FAM20C: variants seen among roughly 807,000 people sequenced by gnomAD.
FAM20C encodes the protein FAM20C golgi associated secretory pathway kinase.
Under a neutral mutation model 51.5 loss-of-function variants are expected in FAM20C, and 40 were observed. The observed-to-expected ratio is 0.78, with a 90% CI of 0.60 to 1.01. The LOEUF is 1.01. Ranked by LOEUF, FAM20C falls within the 50% of genes least tolerant of loss-of-function variation. The pLI, the probability that FAM20C is intolerant of heterozygous loss-of-function variation, is 0.00. For missense variants in FAM20C, 861 were observed against 844.7 expected (o/e 1.02, Z -0.24); for synonymous variants, 406 against 380.6 (o/e 1.07, Z -0.78).
intron 2 of FAM20C, among the ~76,000 whole-genome samples, chr7:205,267 G>GCCC (rs1786307163): frequency 6.7e-6 from 1 of 149,956 alleles, no homozygotes; most frequent in African/African-American, 2.5e-5. Context: ...CACGACGTCA[G>GCCC]CCTCCCGAGT....
intron 3 of FAM20C, among the ~76,000 whole-genome samples, chr7:226,312 G>A (rs996933445): frequency 6.6e-6 from 1 of 152,138 alleles, no homozygotes; most frequent in Non-Finnish European, 1.5e-5. Context: ...GACCGGCTAG[G>A]AGGGGCCCTG....
At chr7:231,420 A>T (rs111422782) in intron 3 of FAM20C, among the ~76,000 whole-genome samples, 4 of 149,604 alleles carry the variant, frequency 2.7e-5, no homozygotes, top group Admixed American at 1.3e-4. Context: ...GCCGCGTGGG[A>T]GGAGGGTCCT....
intron 3 of FAM20C, among the ~76,000 whole-genome samples, chr7:235,722 G>A (rs999046800): frequency 6.6e-6 from 1 of 152,170 alleles, no homozygotes. Flanking sequence ...GGGACGGTCT[G>A]TCTGGCCTAG....
At chr7:207,472 G>A (rs1399550425) in intron 2 of FAM20C, among the ~76,000 whole-genome samples, 1 of 152,226 alleles carries the variant, frequency 6.6e-6, no homozygotes, top group Admixed American at 6.5e-5. Context: ...GCCGGGGCCA[G>A]CCCTGCCCCT....
Position 214,549 on chromosome 7 carries a change from T to C in FAM20C, c.863+5573T>C, listed in dbSNP as rs146512139. On this transcript the variant is annotated intron_variant, in intron 3 of 9. Coordinates refer to ENST00000313766, the MANE Select transcript of FAM20C (RefSeq NM_020223.4). ...CACGGTCAGCGGAACGGTGCGGCTT[T>C]AGGAAACACCACGTAGCCACAGAGC... 3.9e-4 allele frequency among the ~76,000 whole-genome samples: 59 copies of C among 152,318 alleles called. No homozygotes were observed. The East Asian group carries it at 9.7e-3, about 25-fold the overall frequency.
chr7:257,961 C>CCAGGA (rs1788675447), intron 8 of FAM20C, among the ~76,000 whole-genome samples: 1 of 88,822 alleles, frequency 1.1e-5, no homozygotes, highest in Non-Finnish European at 2.5e-5. Flanking sequence ...GACCCACTGC[C>CCAGGA]TGAGGTGCTG....
intron 3 of FAM20C, among the ~76,000 whole-genome samples, chr7:236,212 G>C (rs886428778): frequency 3.1e-4 from 30 of 98,332 alleles, no homozygotes; most frequent in African/African-American, 2.3e-3. Flanking sequence ...GCTCCTGGCC[G>C]AGGTGAGAGG....
At chr7:257,108 C>A in intron 8 of FAM20C, 22 bp downstream of exon 8, 1 of 1,535,276 alleles carries the variant, frequency 6.5e-7, no homozygotes, top group Non-Finnish European at 8.7e-7. Context: ...CTCGCCCCTG[C>A]ACACCCAGGG....
intron 3 of FAM20C, among the ~76,000 whole-genome samples, chr7:240,893 C>T (rs1265107741): frequency 1.3e-5 from 2 of 152,146 alleles, no homozygotes; most frequent in East Asian, 1.9e-4. Flanking sequence ...GTGAAGGCAG[C>T]GGGCGGAGGG....
intron 2 of FAM20C, among the ~76,000 whole-genome samples, chr7:196,920 T>C (rs1420101812): frequency 1.3e-5 from 2 of 152,172 alleles, no homozygotes; most frequent in Non-Finnish European, 2.9e-5. Context: ...CCATGCTGCC[T>C]GGGAGTAACC....
At chr7:257,436 C>T (rs1004600969) in intron 8 of FAM20C, 6 of 233,000 alleles carry the variant, frequency 2.6e-5, no homozygotes, top group East Asian at 2.1e-4. Context: ...AGCCAGCCAG[C>T]GGGGGATAGG....
chr7:246,943 C>G (rs141937248), intron 4 of FAM20C, among the ~76,000 whole-genome samples: 8,218 of 152,234 alleles, frequency 0.054, 274 homozygotes, highest in Non-Finnish European at 0.082. Flanking sequence ...ATGGGCCCCT[C>G]CTGCACCCCC....
At chr7:251,110 G>A (rs940336929) in intron 5 of FAM20C, among the ~76,000 whole-genome samples, 1 of 149,594 alleles carries the variant, frequency 6.7e-6, no homozygotes, top group African/African-American at 2.4e-5. Flanking sequence ...GAGCCTGTGG[G>A]GGCAGGTCGT....
intron 2 of FAM20C, among the ~76,000 whole-genome samples, chr7:200,294 G>T (rs185846740): frequency 5.3e-5 from 8 of 151,930 alleles, no homozygotes; most frequent in Non-Finnish European, 1.2e-4. Context: ...CCTAGAGAGA[G>T]AAAAGGGAAG....
chr7:210,638 T>C (rs1786667050), intron 3 of FAM20C, among the ~76,000 whole-genome samples: 1 of 152,006 alleles, frequency 6.6e-6, no homozygotes, highest in Admixed American at 6.5e-5. Flanking sequence ...TGTTTCCAGG[T>C]TCATTCAGGA....
At chr7:251,339 C>T (rs577869334) in intron 5 of FAM20C, among the ~76,000 whole-genome samples, 12 of 152,036 alleles carry the variant, frequency 7.9e-5, no homozygotes, top group African/African-American at 2.6e-4. Flanking sequence ...GACAACGTAG[C>T]GAGACCCCAT....
rs1314187314 is a variant in FAM20C, at chr7:216,453, T to A, written c.863+7477T>A. ...GGTGTATGGAGAGGATGGGGCTGGG[T>A]GGGGAGCAGGGCCTCTGGTGGTAGA... On this transcript the variant is annotated intron_variant, in intron 3 of 9. Transcript: ENST00000313766. Among the ~76,000 whole-genome samples, 3 of 129,138 alleles carry A rather than the reference T, an allele frequency of 2.3e-5. No individual in the cohort carries two copies. The South Asian group carries it at 7.9e-4, about 34-fold the overall frequency. The allele number at this position is 129,138 out of a possible 152,430, so 84.7% of individuals were successfully genotyped here. A position where few individuals can be genotyped will look rare whatever the true frequency, so the allele number is the denominator to read the frequency against.
At chr7:220,641 C>T (rs890512467) in intron 3 of FAM20C, among the ~76,000 whole-genome samples, 6 of 152,152 alleles carry the variant, frequency 3.9e-5, no homozygotes, top group South Asian at 2.1e-4. Flanking sequence ...ATGGCATGGT[C>T]GGCAGCAGGG....
rs533376604 is a variant in FAM20C, at chr7:250,755, G to A, written c.1072+2325G>A. ...CCGCCATGCACACCCTGGTGCCCAC[G>A]GAGGCTGGGCTCCGCTCCAGTGATG... On this transcript the variant is annotated intron_variant, in intron 5 of 9. Coordinates refer to ENST00000313766, the MANE Select transcript of FAM20C (RefSeq NM_020223.4). Among the ~76,000 whole-genome samples, 4 of 152,336 alleles carry A rather than the reference G, an allele frequency of 2.6e-5. No homozygotes were observed. In the South Asian group the frequency reaches 6.2e-4, roughly 24 times the overall value.
Sources: allele counts gnomAD v4.1 joint callset (sites outside exome capture counted in the v4.1 genomes callset), GRCh38; gene constraint gnomAD v4.1.1; transcripts MANE v1.5; gene names NCBI Gene and HGNC (gene_info 2026-07-23, HGNC 2026-07-21).